UBOX5: variants seen among roughly 807,000 people sequenced by gnomAD.
The protein encoded by UBOX5 is U-box domain containing 5.
A neutral mutation model predicts 39.0 loss-of-function variants in UBOX5; 28 were observed. The ratio of observed to expected loss-of-function variants is 0.72; its 90% confidence interval spans 0.53 to 0.98. The LOEUF (loss-of-function observed/expected upper bound fraction) is 0.98. UBOX5 is among the 50% of genes least tolerant of loss of function. UBOX5 has a pLI of 0.00. For missense variants in UBOX5, 585 were observed against 674.4 expected (o/e 0.87, Z 1.47); for synonymous variants, 283 against 275.5 (o/e 1.03, Z -0.27).
intron 3 of UBOX5, 67 bp from the exon 4 acceptor site, chr20:3,115,533 C>T: frequency 2.0e-6 from 3 of 1,491,894 alleles, no homozygotes; most frequent in Non-Finnish European, 2.7e-6. Context: ...GCCTCAAGTC[C>T]TTCGAGGGCT....
chr20:3,111,287 G>C (rs2066251991), intron 4 of UBOX5, among the ~76,000 whole-genome samples: 1 of 152,086 alleles, frequency 6.6e-6, no homozygotes, highest in Admixed American at 6.6e-5. Flanking sequence ...AAACCAATTT[G>C]CTTCAGAATT....
chr20:3,144,194 T>C (rs753481838), intron 1 of UBOX5, among the ~76,000 whole-genome samples: 1 of 152,128 alleles, frequency 6.6e-6, no homozygotes, highest in Non-Finnish European at 1.5e-5. Context: ...CTAAAATTCA[T>C]ATGGAAGTGC....
chr20:3,110,483 TG>T, intron 4 of UBOX5, 169 bp from the exon 5 acceptor site: 1 of 722,588 alleles, frequency 1.4e-6, no homozygotes, highest in Non-Finnish European at 2.3e-6. Context: ...AGAGGGAGCC[TG>T]GGAACCCGGG....
At chr20:3,141,098 C>T (rs556460306) in intron 1 of UBOX5, among the ~76,000 whole-genome samples, 3 of 151,360 alleles carry the variant, frequency 2.0e-5, no homozygotes, top group Non-Finnish European at 4.4e-5. Flanking sequence ...TCTGTATTTT[C>T]AGTAGAGACG....
At chr20:3,141,641 C>T (rs926602432) in intron 1 of UBOX5, among the ~76,000 whole-genome samples, 5 of 149,732 alleles carry the variant, frequency 3.3e-5, no homozygotes, top group South Asian at 2.1e-4. Context: ...AGCGAAACTC[C>T]GTCTCAAAAA....
At chr20:3,147,603 T>C in intron 1 of UBOX5, 1 of 1,614,174 alleles carries the variant, frequency 6.2e-7, no homozygotes, top group Non-Finnish European at 8.5e-7. Flanking sequence ...GCGAAATCAA[T>C]TAACTCTACT....
chr20:3,116,746 C>T (rs572759847), intron 3 of UBOX5: 1 of 152,236 alleles, frequency 6.6e-6, no homozygotes, highest in East Asian at 1.9e-4. Context: ...TTTAGAAGAA[C>T]ATAGGAAACT....
intron 1 of UBOX5, chr20:3,147,692 C>T (rs1600409800): frequency 1.9e-6 from 3 of 1,614,228 alleles, no homozygotes; most frequent in Non-Finnish European, 2.5e-6. Context: ...AGGCATCTTT[C>T]TGTGAATCTC....
At position 3,149,790 on chromosome 20, in the gene UBOX5, G is replaced by A. The variant is rs1160455836; in HGVS notation, c.-42+9976C>T. Among the ~76,000 whole-genome samples, 1 of 152,164 alleles carries A rather than the reference G, an allele frequency of 6.6e-6. No individual in the cohort carries two copies. Among genetic ancestry groups the A allele is most frequent in the Non-Finnish European group, 1.5e-5 (1 of 68,038 alleles). ...GCCAGCACTTTGGGAGGCCGAGGCA[G>A]GCAGATCACTTGAGGTCAGGAGTTC... is the stretch of plus-strand genomic sequence containing the variant. On this transcript the variant is annotated intron_variant, in intron 1 of 4. Transcript: ENST00000217173. This position sits in a 1 kb window ranked among gnomAD's most constrained non-coding sequence, Gnocchi z 4.1.
At chr20:3,143,525 G>A (rs2066535716) in intron 1 of UBOX5, among the ~76,000 whole-genome samples, 1 of 152,166 alleles carries the variant, frequency 6.6e-6, no homozygotes, top group Non-Finnish European at 1.5e-5. Context: ...TCGGGGTACA[G>A]TGGCTCACAC....
Position 3,128,583 on chromosome 20 carries a change from C to T in UBOX5, c.-41-5177G>A, listed in dbSNP as rs113307103. Among the ~76,000 whole-genome samples the T allele has an allele frequency of 2.4e-3, 365 of 152,246 alleles. 1 individual carries two copies. Among genetic ancestry groups the T allele is most frequent in the African/African-American group, 8.0e-3 (332 of 41,566 alleles). ...ACAGAAAGCCAAGAAAAAACAAAGC[C>T]GGGCGGAGTGGCTCACACCTATAAT... is the stretch of plus-strand genomic sequence containing the variant. On this transcript the variant is annotated intron_variant, in intron 1 of 4. Transcript: ENST00000217173.
chr20:3,147,615 G>C, intron 1 of UBOX5: 1 of 1,614,196 alleles, frequency 6.2e-7, no homozygotes. Flanking sequence ...AACTCTACTG[G>C]AAAGTACTCC....
chr20:3,147,458 T>G, intron 1 of UBOX5: 1 of 1,614,230 alleles, frequency 6.2e-7, no homozygotes, highest in Non-Finnish European at 8.5e-7. Context: ...CCCCTCTTGC[T>G]GAAGGTGAGT....
At chr20:3,136,904 C>CT (rs2066476960) in intron 1 of UBOX5, among the ~76,000 whole-genome samples, 1 of 152,028 alleles carries the variant, frequency 6.6e-6, no homozygotes, top group South Asian at 2.1e-4. Flanking sequence ...ATCCACTCAC[C>CT]TTGGCCTCCC....
intron 2 of UBOX5, 150 bp from the exon 3 acceptor site, chr20:3,122,734 A>T: frequency 8.6e-7 from 1 of 1,168,932 alleles, no homozygotes; most frequent in Non-Finnish European, 1.2e-6. Flanking sequence ...ATCAGATCAA[A>T]GGCCAAGGGC....
At chr20:3,140,661 C>T (rs912745633) in intron 1 of UBOX5, among the ~76,000 whole-genome samples, 1 of 152,038 alleles carries the variant, frequency 6.6e-6, no homozygotes, top group East Asian at 1.9e-4. Flanking sequence ...CAACTCCTCC[C>T]ACAAAAAACC....
intron 1 of UBOX5, among the ~76,000 whole-genome samples, chr20:3,125,690 C>T (rs1479903316): frequency 6.8e-6 from 1 of 146,960 alleles, no homozygotes; most frequent in Non-Finnish European, 1.5e-5. Flanking sequence ...GCAGCCGCCC[C>T]GTCTGGGAAG....
intron 1 of UBOX5, among the ~76,000 whole-genome samples, chr20:3,151,452 T>TGC (rs1014125854): frequency 8.5e-5 from 13 of 152,160 alleles, no homozygotes; most frequent in African/African-American, 3.1e-4. Flanking sequence ...ATAAAAAGTC[T>TGC]GCTGATCTCT....
At chr20:3,151,524 A>C (rs1236000208) in intron 1 of UBOX5, among the ~76,000 whole-genome samples, 1 of 152,180 alleles carries the variant, frequency 6.6e-6, no homozygotes, top group Admixed American at 6.5e-5. Flanking sequence ...AAACTTGGCC[A>C]CGCCTATAAT....
Sources: gnomAD v4.1 joint callset for allele counts (sites outside exome capture counted in the v4.1 genomes callset) on GRCh38, gnomAD v4.1.1 for gene constraint, Gnocchi (gnomAD v3.1) non-coding constraint, MANE v1.5 for transcripts, NCBI Gene and HGNC (gene_info 2026-07-23, HGNC 2026-07-21) for gene names.